Variants in KIF2A observed in about 807,000 individuals in gnomAD.
The protein encoded by KIF2A is kinesin family member 2A, also known as kinesin-like protein KIF2A.
A neutral mutation model predicts 100.2 loss-of-function variants in KIF2A; 22 were observed. The ratio of observed to expected loss-of-function variants is 0.22; its 90% confidence interval spans 0.16 to 0.31. The LOEUF (loss-of-function observed/expected upper bound fraction) is 0.31, where lower values mean the gene tolerates loss of function less well. KIF2A is among the 10% of genes least tolerant of loss of function. The pLI is 1.00. For synonymous variants in KIF2A, 268 were observed against 285.9 expected (o/e 0.94, Z 0.63); for missense variants, 495 against 898.7 (o/e 0.55, Z 5.74).
At chr5:62,315,801 G>A (rs1185981600) in intron 1 of KIF2A, among the ~76,000 whole-genome samples, 1 of 152,190 alleles carries the variant, frequency 6.6e-6, no homozygotes, top group East Asian at 1.9e-4. Flanking sequence ...AGATTAGAGG[G>A]AGCATAGTAC....
At chr5:62,382,510 C>T (rs567319810) in intron 20 of KIF2A, among the ~76,000 whole-genome samples, 36 of 152,022 alleles carry the variant, frequency 2.4e-4, no homozygotes, top group Non-Finnish European at 3.4e-4. Flanking sequence ...AGTATATACA[C>T]GTTGAGTATC....
intron 1 of KIF2A, among the ~76,000 whole-genome samples, chr5:62,309,143 C>T (rs1007789887): frequency 2.2e-4 from 33 of 152,168 alleles, no homozygotes; most frequent in African/African-American, 7.5e-4. Flanking sequence ...TTAATTTCTA[C>T]GGAGCATATT....
chr5:62,351,721 A>G (rs985814284), intron 4 of KIF2A, among the ~76,000 whole-genome samples: 4 of 152,088 alleles, frequency 2.6e-5, no homozygotes, highest in African/African-American at 9.7e-5. Context: ...TAATATCCAC[A>G]TTGGGAAATT....
At position 62,347,113 on chromosome 5, in the gene KIF2A, A is replaced by C. The variant is rs753309327; in HGVS notation, c.65-17A>C. 1.0e-5 allele frequency: 15 copies of C among 1,475,106 alleles called. No homozygotes were observed. The highest frequency in any genetic ancestry group is 1.4e-5 in the Non-Finnish European group (15 of 1,060,888). 91.4% of individuals were successfully genotyped at this position (1,475,106 alleles called of 1,614,324 possible). On this transcript the variant is annotated splice_polypyrimidine_tract_variant and intron_variant, in intron 1 of 20. Transcript: ENST00000407818. Reference sequence around the variant, plus strand: ...AATTTGTGGCATTTTTAAGGTGTATACTTTATTCCCACATAGGCCGAATAC... The same window carrying C: ...AATTTGTGGCATTTTTAAGGTGTATCCTTTATTCCCACATAGGCCGAATAC...
chr5:62,320,773 A>G (rs1291269007), intron 1 of KIF2A, among the ~76,000 whole-genome samples: 9 of 152,252 alleles, frequency 5.9e-5, no homozygotes, highest in African/African-American at 2.2e-4. Flanking sequence ...TAAATATTAT[A>G]GTTTTAACCT....
In KIF2A at chr5:62,352,670, A is replaced by C. The variant is rs1747913541; in HGVS notation, c.417A>C (p.Ile139=). 6.2e-7 allele frequency: 1 copy of C among 1,611,384 alleles called. No homozygotes were observed. The highest frequency in any genetic ancestry group is 1.3e-5 in the African/African-American group (1 of 74,934). ...AACAGAATGGTAGTGTTTCAGATAT[A>C]TCTCCAGTTCAAGCTGCAAAAAAGG... ...SAQQNGSVSD[I]SPVQAAKKEF... Residue 139 remains isoleucine (I), a synonymous_variant, in exon 5 of 21, where the codon ATA becomes ATC. Transcript: ENST00000407818.
intron 1 of KIF2A, among the ~76,000 whole-genome samples, chr5:62,342,308 T>C (rs1747336414): frequency 6.6e-6 from 1 of 152,198 alleles, no homozygotes; most frequent in Admixed American, 6.5e-5. Context: ...GGGCTGCTTA[T>C]GGCTCTCTGG....
chr5:62,350,936 A>T (rs1452263527), intron 4 of KIF2A, among the ~76,000 whole-genome samples: 1 of 151,762 alleles, frequency 6.6e-6, no homozygotes, highest in Admixed American at 6.6e-5. Context: ...GATTTTTAAA[A>T]TGTATGGGAT....
Position 62,306,499 on chromosome 5 carries a change from C to T in KIF2A, c.27C>T (p.Ile9=). 2 of 1,545,062 alleles carry T rather than the reference C, an allele frequency of 1.3e-6. No homozygotes were observed. Among genetic ancestry groups the T allele is most frequent in the South Asian group, 1.2e-5 (1 of 83,272 alleles). Residue 9 remains isoleucine (I), a synonymous_variant, in exon 1 of 21, where the codon ATC becomes ATT. Transcript: ENST00000407818. The part of the protein sequence containing the change: MATANFGK[I]QIGIYVEIKR... The stretch of plus-strand genomic sequence containing the variant: ...TGGCAACGGCCAACTTCGGCAAGAT[C>T]CAGATCGGGATTTACGTGGAGATCA...
chr5:62,350,764 T>C (rs1344759574), intron 4 of KIF2A, among the ~76,000 whole-genome samples: 1 of 151,418 alleles, frequency 6.6e-6, no homozygotes, highest in East Asian at 2.0e-4. Flanking sequence ...ATACAAAAAA[T>C]TAGCCAGGCA....
In KIF2A at chr5:62,348,062, C is replaced by T; in HGVS notation, c.174C>T (p.Ser58=). 8.1e-6 allele frequency: 13 copies of T among 1,613,668 alleles called. No homozygotes were observed. The highest frequency in any genetic ancestry group is 1.1e-5 in the Non-Finnish European group (13 of 1,179,654). Residue 58 remains serine (S), a synonymous_variant, in exon 3 of 21, where the codon AGC becomes AGT. Transcript: ENST00000407818. ...DTKGKEIDLE[S]IFSLNPDLVP... ...GTTGTGAACAGATTGACCTGGAGAGCATCTTTTCACTTAACCCTGACCTTG... is the reference window on the plus strand; with the variant it reads ...GTTGTGAACAGATTGACCTGGAGAGTATCTTTTCACTTAACCCTGACCTTG...
chr5:62,351,518 A>G (rs1747855832), intron 4 of KIF2A, among the ~76,000 whole-genome samples: 1 of 152,118 alleles, frequency 6.6e-6, no homozygotes, highest in African/African-American at 2.4e-5. Flanking sequence ...GTAGTTCAGA[A>G]TTGTCTTTTC....
chr5:62,357,896 G>A (rs1748196074), intron 8 of KIF2A, among the ~76,000 whole-genome samples, 151 bp downstream of exon 8: 1 of 152,142 alleles, frequency 6.6e-6, no homozygotes, highest in Admixed American at 6.5e-5. Context: ...GGCTAAACTT[G>A]TCAGTTTGTT....
chr5:62,382,619 C>T (rs1741820094), intron 20 of KIF2A, among the ~76,000 whole-genome samples: 1 of 149,216 alleles, frequency 6.7e-6, no homozygotes, highest in South Asian at 2.1e-4. Context: ...ATTTTTGGAA[C>T]ACTTCAGGTT....
intron 1 of KIF2A, among the ~76,000 whole-genome samples, chr5:62,345,388 A>G (rs1186864295): frequency 6.8e-6 from 1 of 146,624 alleles, no homozygotes; most frequent in African/African-American, 2.5e-5. Flanking sequence ...ACTCTGTCTC[A>G]AAAAAAAAAA....
chr5:62,352,927 C>A, intron 5 of KIF2A: 2 of 434,370 alleles, frequency 4.6e-6, no homozygotes, highest in Admixed American at 4.3e-5. Flanking sequence ...GAAATTATAG[C>A]AATGTTTCAG....
At chr5:62,373,385 T>G (rs1741401535) in intron 17 of KIF2A, among the ~76,000 whole-genome samples, 2 of 151,836 alleles carry the variant, frequency 1.3e-5, no homozygotes, top group South Asian at 4.1e-4. Context: ...TTTAAAAAAT[T>G]TTTTAAATCA....
At chr5:62,314,768 T>TTTG (rs1307229222) in intron 1 of KIF2A, among the ~76,000 whole-genome samples, 11 of 147,424 alleles carry the variant, frequency 7.5e-5, no homozygotes, top group Admixed American at 2.7e-4. Flanking sequence ...GTTTTTTTTT[T>TTTG]TTTTTTTTTT....
Position 62,357,705 on chromosome 5 carries a change from G to A in KIF2A, c.669G>A (p.Arg223=). ...LTTADPIDEH[R]ICVCVRKRPL... ...TTTATTTCTAGATTGATGAACATAG[G>A]ATATGTGTGTGTGTAAGAAAACGAC... The change falls in exon 8 of 21, where the codon AGG becomes AGA. Residue 223 remains arginine, a synonymous_variant. Coordinates refer to ENST00000407818, the MANE Select transcript of KIF2A (RefSeq NM_001098511.3). 6.4e-7 allele frequency: 1 copy of A among 1,550,992 alleles called. No homozygotes were observed. The highest frequency in any genetic ancestry group is 8.9e-7 in the Non-Finnish European group (1 of 1,126,978).
Sources: allele counts gnomAD v4.1 joint callset (sites outside exome capture counted in the v4.1 genomes callset), GRCh38; gene constraint gnomAD v4.1.1; transcripts MANE v1.5; gene names NCBI Gene and HGNC (gene_info 2026-07-23, HGNC 2026-07-21).